SEPTIN9: variants seen among roughly 807,000 people sequenced by gnomAD.
SEPTIN9 encodes septin 9, also known as septin-9.
A neutral mutation model predicts 56.6 loss-of-function variants in SEPTIN9; 13 were observed. That is an observed-to-expected ratio of 0.23 (90% CI 0.15 to 0.37). The LOEUF (loss-of-function observed/expected upper bound fraction) is 0.37, where lower values mean the gene tolerates loss of function less well. Among genes scored for constraint, SEPTIN9 ranks in the 10% least tolerant of loss-of-function variants. The pLI is 1.00. For synonymous variants in SEPTIN9, 332 were observed against 334.1 expected, an observed-to-expected ratio of 0.99 and a Z score of 0.07; for missense variants, 650 against 823.1, an observed-to-expected ratio of 0.79 and a Z score of 2.57.
At chr17:77,418,036 T>C (rs929699802) in intron 3 of SEPTIN9, among the ~76,000 whole-genome samples, 9 of 152,208 alleles carry the variant, frequency 5.9e-5, no homozygotes, top group South Asian at 4.2e-4. Context: ...TCCCTGGCGG[T>C]GGGGGGAGTG....
At chr17:77,431,672 A>C (rs1459282479) in intron 3 of SEPTIN9, among the ~76,000 whole-genome samples, 1 of 151,832 alleles carries the variant, frequency 6.6e-6, no homozygotes, top group Non-Finnish European at 1.5e-5. Flanking sequence ...CTACAAAAAA[A>C]CACAAAAATT....
At chr17:77,496,832 G>T (rs924016702) in intron 10 of SEPTIN9, among the ~76,000 whole-genome samples, 5 of 152,232 alleles carry the variant, frequency 3.3e-5, no homozygotes, top group African/African-American at 1.2e-4. Context: ...GGCCGTGGGG[G>T]TAACACCCTG....
intron 2 of SEPTIN9, among the ~76,000 whole-genome samples, chr17:77,380,837 G>T (rs917435830): frequency 1.3e-5 from 2 of 152,238 alleles, no homozygotes; most frequent in African/African-American, 4.8e-5. Flanking sequence ...GCGGAAGGGT[G>T]GGGTGGGGAG....
At chr17:77,291,817 A>G (rs2031570357) in intron 1 of SEPTIN9, among the ~76,000 whole-genome samples, 1 of 152,130 alleles carries the variant, frequency 6.6e-6, no homozygotes, top group African/African-American at 2.4e-5. Context: ...TTAGGTAACC[A>G]TACATTTCTC....
Position 77,492,120 on chromosome 17 carries a change from G to T in SEPTIN9, c.1381-501G>T, listed in dbSNP as rs1165261738. Reference sequence around the variant, plus strand: ...GGAAGACAGTCCACACAAAGTGGGTGTGTCTGCCGGAGGCTACACACGGGC... The same window carrying T: ...GGAAGACAGTCCACACAAAGTGGGTTTGTCTGCCGGAGGCTACACACGGGC... On this transcript the variant is annotated intron_variant, in intron 8 of 11. Transcript: ENST00000427177. The surrounding 1 kb of genome is among the most constrained non-coding windows in gnomAD (Gnocchi z 5.4). Among the ~76,000 whole-genome samples the T allele has an allele frequency of 6.6e-6, 1 of 152,224 alleles. No homozygotes were observed. The highest frequency in any genetic ancestry group is 1.5e-5 in the Non-Finnish European group (1 of 68,036).
At chr17:77,448,231 A>T (rs2037819744) in intron 3 of SEPTIN9, among the ~76,000 whole-genome samples, 1 of 152,136 alleles carries the variant, frequency 6.6e-6, no homozygotes, top group Non-Finnish European at 1.5e-5. Context: ...TCAGCACTTC[A>T]GGAGGCTGAG....
In SEPTIN9 at chr17:77,425,752, C is replaced by G. The variant is rs576691531; in HGVS notation, c.721+23049C>G. ...GGAAGCTGCCCCCCGCTCATCTACC[C>G]CCCAACCCTCCCAGCCAGCAGAGTT... is the stretch of plus-strand genomic sequence containing the variant. On this transcript the variant is annotated intron_variant, in intron 3 of 11. Coordinates refer to ENST00000427177, the MANE Select transcript of SEPTIN9 (RefSeq NM_001113491.2). This position sits in a 1 kb window ranked among gnomAD's most constrained non-coding sequence, Gnocchi z 4.2. Among the ~76,000 whole-genome samples the G allele has an allele frequency of 6.6e-6, 1 of 151,554 alleles. No individual in the cohort carries two copies. Among genetic ancestry groups the G allele is most frequent in the South Asian group, 2.1e-4 (1 of 4,740 alleles).
chr17:77,333,316 T>C (rs1381770794), intron 2 of SEPTIN9, among the ~76,000 whole-genome samples: 2 of 152,248 alleles, frequency 1.3e-5, no homozygotes, highest in Admixed American at 6.5e-5. Context: ...GTTGCTTGAC[T>C]TTTTCTTCTG....
rs1233608706 is a variant in SEPTIN9, at chr17:77,437,472, G to T, written c.721+34769G>T. On this transcript the variant is annotated intron_variant, in intron 3 of 11. Transcript: ENST00000427177. The surrounding 1 kb of genome is among the most constrained non-coding windows in gnomAD (Gnocchi z 5.3). ...CAACTCTCTCACGGAGAAGCCAGGG[G>T]ATGGCTCTCAGTACTCTCGGGGGTC... Among the ~76,000 whole-genome samples the T allele has an allele frequency of 6.6e-6, 1 of 152,096 alleles. No homozygotes were observed. Among genetic ancestry groups the T allele is most frequent in the Non-Finnish European group, 1.5e-5 (1 of 68,008 alleles).
intron 3 of SEPTIN9, among the ~76,000 whole-genome samples, chr17:77,481,741 C>T (rs1334409884): frequency 1.3e-5 from 2 of 152,168 alleles, no homozygotes; most frequent in Non-Finnish European, 1.5e-5. Flanking sequence ...TGGCCCGAGG[C>T]AGTGTGGAGG....
chr17:77,432,127 G>A (rs2037167601), intron 3 of SEPTIN9, among the ~76,000 whole-genome samples: 1 of 152,154 alleles, frequency 6.6e-6, no homozygotes, highest in Non-Finnish European at 1.5e-5. Context: ...ACCAGAGCCC[G>A]GCTGGGAAGC....
intron 3 of SEPTIN9, among the ~76,000 whole-genome samples, chr17:77,461,708 GGT>G (rs1340006879): frequency 6.6e-6 from 1 of 152,248 alleles, no homozygotes; most frequent in Admixed American, 6.5e-5. Flanking sequence ...ACCAATAGAA[GGT>G]GTGTACGTGT....
intron 3 of SEPTIN9, among the ~76,000 whole-genome samples, chr17:77,458,139 A>T (rs1176606796): frequency 6.6e-6 from 1 of 152,112 alleles, no homozygotes; most frequent in Admixed American, 6.6e-5. Context: ...GGAATGTTTC[A>T]AGCTTCCAGC....
At chr17:77,495,864 T>G (rs961071339) in intron 10 of SEPTIN9, among the ~76,000 whole-genome samples, 2 of 152,136 alleles carry the variant, frequency 1.3e-5, no homozygotes, top group African/African-American at 4.8e-5. Context: ...AAGTAAAAAC[T>G]AGACATTTTT....
intron 3 of SEPTIN9, chr17:77,466,465 G>T: frequency 1.0e-6 from 1 of 985,514 alleles, no homozygotes; most frequent in Non-Finnish European, 1.2e-6. Flanking sequence ...GCTGCTGCCT[G>T]TGTTAGCTGC....
rs1182473794 is a variant in SEPTIN9, at chr17:77,488,341, A to C, written c.1124+20A>C. ...GAACTGGTGAGGCCCCTCCAGGGGGAGGAGCACTAGCGGGGGCTTCAGGGC... is the reference window on the plus strand; with the variant it reads ...GAACTGGTGAGGCCCCTCCAGGGGGCGGAGCACTAGCGGGGGCTTCAGGGC... On this transcript the variant is annotated intron_variant, in intron 6 of 11. Coordinates refer to ENST00000427177, the MANE Select transcript of SEPTIN9 (RefSeq NM_001113491.2). The C allele has an allele frequency of 6.2e-7, 1 of 1,602,870 alleles. No homozygotes were observed. Among genetic ancestry groups the C allele is most frequent in the South Asian group, 1.1e-5 (1 of 90,860 alleles).
intron 3 of SEPTIN9, among the ~76,000 whole-genome samples, chr17:77,406,597 C>T (rs1242657725): frequency 6.6e-6 from 1 of 151,906 alleles, no homozygotes; most frequent in Admixed American, 6.6e-5. Context: ...GCTGTATAGT[C>T]TTCAAAATTC....
intron 2 of SEPTIN9, among the ~76,000 whole-genome samples, chr17:77,399,305 C>T (rs919011153): frequency 3.3e-5 from 5 of 152,184 alleles, no homozygotes; most frequent in Admixed American, 6.5e-5. Context: ...CATTTGTTTT[C>T]TTGGGTTGGA....
chr17:77,447,307 GTATCCCTCT>G (rs2037779281), intron 3 of SEPTIN9: 11 of 159,450 alleles, frequency 6.9e-5, no homozygotes, highest in Admixed American at 4.6e-4. Flanking sequence ...CACTGCCTGA[GTATCCCTCT>G]TTGCAAATGG....
Sources: gnomAD v4.1 joint callset for allele counts (sites outside exome capture counted in the v4.1 genomes callset) on GRCh38, gnomAD v4.1.1 for gene constraint, Gnocchi (gnomAD v3.1) non-coding constraint, MANE v1.5 for transcripts, NCBI Gene and HGNC (gene_info 2026-07-23, HGNC 2026-07-21) for gene names.